Variants in ENTREP2 observed in about 807,000 individuals in gnomAD.
The protein encoded by ENTREP2 is protein ENTREP2.
chr15:29,544,877 A>G, the ENTREP2 span, among the ~76,000 whole-genome samples: 5 of 152,244 alleles, frequency 3.3e-5, 1 homozygote, highest in Non-Finnish European at 5.9e-5. Flanking sequence ...CTGCCTGTGC[A>G]TGCATAAACT....
At chr15:29,126,293 G>A in the ENTREP2 span, 1 of 1,486,162 alleles carries the variant, frequency 6.7e-7, no homozygotes, top group Non-Finnish European at 9.0e-7. Context: ...GCACAAGGTG[G>A]GGTCGCTGGT....
the ENTREP2 span, among the ~76,000 whole-genome samples, chr15:29,335,484 G>A: frequency 1.3e-5 from 2 of 152,128 alleles, no homozygotes; most frequent in South Asian, 2.1e-4. Flanking sequence ...TCACTGCAAC[G>A]CTTGCAAGCA....
chr15:29,501,832 C>T, the ENTREP2 span, among the ~76,000 whole-genome samples: 4 of 151,580 alleles, frequency 2.6e-5, no homozygotes, highest in Non-Finnish European at 4.4e-5. Context: ...CAAGGTGACA[C>T]GATATAAGTT....
chr15:29,288,521 C>T, the ENTREP2 span, among the ~76,000 whole-genome samples: 1 of 152,186 alleles, frequency 6.6e-6, no homozygotes, highest in African/African-American at 2.4e-5. Context: ...TCCCTCATAA[C>T]TCTATATTAA....
the ENTREP2 span, among the ~76,000 whole-genome samples, chr15:29,225,603 A>G: frequency 9.2e-5 from 14 of 152,298 alleles, no homozygotes; most frequent in East Asian, 2.5e-3. Flanking sequence ...AATCACAGAA[A>G]AAAACTACCA....
At chr15:29,655,640 T>A in the ENTREP2 span, among the ~76,000 whole-genome samples, 1 of 152,044 alleles carries the variant, frequency 6.6e-6, no homozygotes, top group Admixed American at 6.5e-5. Context: ...GTGGAAAAAT[T>A]CACAACATAC....
At chr15:29,240,133 C>T in the ENTREP2 span, among the ~76,000 whole-genome samples, 1 of 152,130 alleles carries the variant, frequency 6.6e-6, no homozygotes, top group Non-Finnish European at 1.5e-5. Context: ...GAGGCCGAGG[C>T]GGGCGGATCA....
chr15:29,569,484 A>G, the ENTREP2 span: 20 of 152,248 alleles, frequency 1.3e-4, no homozygotes, highest in African/African-American at 4.6e-4. Context: ...GGATTTCTGT[A>G]GATGGAAGTA....
chr15:29,234,724 A>C, the ENTREP2 span: 1 of 1,516,886 alleles, frequency 6.6e-7, no homozygotes, highest in Non-Finnish European at 9.2e-7. Flanking sequence ...CATTGTGGCA[A>C]GTAAATTGGC....
chr15:29,493,294 C>T, the ENTREP2 span, among the ~76,000 whole-genome samples: 72 of 149,500 alleles, frequency 4.8e-4, 1 homozygote, highest in Admixed American at 1.7e-3. Context: ...CCACTACGCC[C>T]GGCTAATTTT....
the ENTREP2 span, among the ~76,000 whole-genome samples, chr15:29,674,522 C>T: frequency 6.6e-6 from 1 of 152,116 alleles, no homozygotes; most frequent in Non-Finnish European, 1.5e-5. Flanking sequence ...CCCGCCTCGG[C>T]CTCCCAAAGT....
At chr15:29,367,841 T>C in the ENTREP2 span, among the ~76,000 whole-genome samples, 3 of 152,028 alleles carry the variant, frequency 2.0e-5, no homozygotes, top group Admixed American at 6.6e-5. Flanking sequence ...AGAATAGGCT[T>C]TACAGAATTC....
the ENTREP2 span, among the ~76,000 whole-genome samples, chr15:29,479,137 G>A: frequency 6.7e-6 from 1 of 149,422 alleles, no homozygotes; most frequent in African/African-American, 2.5e-5. Flanking sequence ...AACCCGGGAG[G>A]TGGAGCTTGC....
the ENTREP2 span, among the ~76,000 whole-genome samples, chr15:29,406,801 A>T: frequency 2.6e-5 from 4 of 152,136 alleles, no homozygotes; most frequent in Non-Finnish European, 5.9e-5. Flanking sequence ...CACAGCAGAC[A>T]CAGCCAAATG....
chr15:29,233,612 A>G, the ENTREP2 span: 1 of 685,458 alleles, frequency 1.5e-6, no homozygotes, highest in Admixed American at 2.6e-5. Flanking sequence ...TCAAAATGAA[A>G]TGCTATGAAA....
At chr15:29,490,344 T>C in the ENTREP2 span, among the ~76,000 whole-genome samples, 2 of 152,324 alleles carry the variant, frequency 1.3e-5, no homozygotes, top group Admixed American at 6.5e-5. Context: ...GAGTGAGCAG[T>C]GGCAAGATTT....
chr15:29,136,043 G>A, the ENTREP2 span, among the ~76,000 whole-genome samples: 5 of 152,216 alleles, frequency 3.3e-5, no homozygotes, highest in African/African-American at 1.2e-4. Flanking sequence ...ACTCGTGGCT[G>A]CAGAAATGGA....
At chr15:29,478,777 C>T in the ENTREP2 span, among the ~76,000 whole-genome samples, 13 of 151,194 alleles carry the variant, frequency 8.6e-5, no homozygotes, top group South Asian at 2.3e-3. Flanking sequence ...TGGTGGTGGG[C>T]GCCTATAATC....
the ENTREP2 span, among the ~76,000 whole-genome samples, chr15:29,303,071 C>T: frequency 6.6e-6 from 1 of 152,092 alleles, no homozygotes; most frequent in Non-Finnish European, 1.5e-5. Context: ...ACTTTGCATC[C>T]ACTCCACCCT....
Sources: allele counts gnomAD v4.1 joint callset (sites outside exome capture counted in the v4.1 genomes callset), GRCh38; gene constraint gnomAD v4.1.1; transcripts MANE v1.5; gene names NCBI Gene and HGNC (gene_info 2026-07-23, HGNC 2026-07-21).